Variants in CTNND2 observed in about 807,000 individuals in gnomAD.
CTNND2 encodes catenin delta 2.
CTNND2 carries 22 observed loss-of-function variants against 144.4 expected under a neutral mutation model. The ratio of observed to expected loss-of-function variants is 0.15; its 90% confidence interval spans 0.11 to 0.22. CTNND2 has a LOEUF of 0.22. CTNND2 is among the 10% of genes least tolerant of loss of function. The pLI, the probability that CTNND2 is intolerant of heterozygous loss-of-function variation, is 1.00. For synonymous variants in CTNND2, 751 were observed against 695.6 expected (o/e 1.08, Z -1.25); for missense variants, 1,353 against 1,618.8 (o/e 0.84, Z 2.82).
intron 7 of CTNND2, among the ~76,000 whole-genome samples, chr5:11,378,289 G>A (rs1249071982): frequency 6.6e-6 from 1 of 152,194 alleles, no homozygotes; most frequent in Non-Finnish European, 1.5e-5. Flanking sequence ...GGCAGGCAAT[G>A]GGTTCCTAAT....
intron 2 of CTNND2, among the ~76,000 whole-genome samples, chr5:11,724,785 A>G (rs1786912050): frequency 6.6e-6 from 1 of 152,152 alleles, no homozygotes; most frequent in Non-Finnish European, 1.5e-5. Flanking sequence ...TTTGAGCATA[A>G]TTTCTTTATC....
At chr5:11,109,104 C>T (rs1013774256) in intron 14 of CTNND2, among the ~76,000 whole-genome samples, 1 of 152,078 alleles carries the variant, frequency 6.6e-6, no homozygotes, top group Admixed American at 6.6e-5. Context: ...AGGTTTTGTC[C>T]AAAACGGACT....
At chr5:11,343,495 A>C (rs558248009) in intron 9 of CTNND2, among the ~76,000 whole-genome samples, 177 of 152,278 alleles carry the variant, frequency 1.2e-3, no homozygotes, top group Non-Finnish European at 1.9e-3. Flanking sequence ...TCCTACACAG[A>C]TACTGGTACT....
At chr5:11,199,373 G>T in intron 11 of CTNND2, 75 bp downstream of exon 11, 1 of 1,299,412 alleles carries the variant, frequency 7.7e-7, no homozygotes, top group Non-Finnish European at 1.1e-6. Flanking sequence ...TATTTGATTA[G>T]TACATTTGCC....
At chr5:11,243,679 T>C (rs1742683544) in intron 9 of CTNND2, among the ~76,000 whole-genome samples, 1 of 152,214 alleles carries the variant, frequency 6.6e-6, no homozygotes, top group Admixed American at 6.5e-5. Context: ...CACTCTTACA[T>C]GGGCTATCTG....
Position 11,290,310 on chromosome 5 carries a change from A to G in CTNND2, c.1629-53487T>C, listed in dbSNP as rs1256059412. Among the ~76,000 whole-genome samples the G allele has an allele frequency of 2.0e-5, 3 of 152,324 alleles. No homozygotes were observed. In the East Asian group the frequency reaches 5.8e-4, roughly 29 times the overall value. ...ACAAAACAGGTTTTTAATTATGCTT[A>G]TAACTACCTATGAGGTACCTGACGG... On this transcript the variant is annotated intron_variant, in intron 9 of 21. Coordinates refer to ENST00000304623, the MANE Select transcript of CTNND2 (RefSeq NM_001332.4).
At chr5:11,538,370 G>C (rs1198884723) in intron 3 of CTNND2, among the ~76,000 whole-genome samples, 4 of 152,180 alleles carry the variant, frequency 2.6e-5, no homozygotes, top group Non-Finnish European at 4.4e-5. Context: ...CCCATTAAAA[G>C]GAAGCATGGC....
At chr5:11,426,708 G>A (rs150140633) in intron 3 of CTNND2, among the ~76,000 whole-genome samples, 1 of 152,292 alleles carries the variant, frequency 6.6e-6, no homozygotes, top group Non-Finnish European at 1.5e-5. Flanking sequence ...TTCCCTTCAA[G>A]CCAGAACTTG....
intron 3 of CTNND2, among the ~76,000 whole-genome samples, chr5:11,502,254 C>T (rs570922141): frequency 1.3e-5 from 2 of 152,180 alleles, no homozygotes; most frequent in Admixed American, 6.5e-5. Flanking sequence ...AGCTGACTAA[C>T]GCATTTATTA....
chr5:11,600,339 A>G (rs1248875657), intron 2 of CTNND2, among the ~76,000 whole-genome samples: 1 of 152,166 alleles, frequency 6.6e-6, no homozygotes, highest in Non-Finnish European at 1.5e-5. Context: ...TGTATCAACT[A>G]TTTTCCACAG....
At chr5:11,688,445 T>C (rs887281288) in intron 2 of CTNND2, among the ~76,000 whole-genome samples, 2 of 152,154 alleles carry the variant, frequency 1.3e-5, no homozygotes, top group African/African-American at 2.4e-5. Context: ...AAAATAGTGA[T>C]GGGAAATAAG....
chr5:11,404,583 A>G (rs1371136606), intron 5 of CTNND2, among the ~76,000 whole-genome samples: 1 of 109,976 alleles, frequency 9.1e-6, no homozygotes, highest in Non-Finnish European at 1.9e-5. Context: ...TTTGATCAGT[A>G]TCTGTCAGTA....
intron 3 of CTNND2, among the ~76,000 whole-genome samples, chr5:11,460,430 G>A (rs1315452013): frequency 6.6e-6 from 1 of 152,150 alleles, no homozygotes; most frequent in Non-Finnish European, 1.5e-5. Flanking sequence ...CCTAAATGTT[G>A]AGACACTAGA....
At chr5:11,725,516 T>A (rs1181776812) in intron 2 of CTNND2, among the ~76,000 whole-genome samples, 1 of 152,104 alleles carries the variant, frequency 6.6e-6, no homozygotes, top group East Asian at 1.9e-4. Context: ...ACCTTGGTCA[T>A]AGAAAAATAT....
chr5:11,241,837 G>A (rs1430538136), intron 9 of CTNND2, among the ~76,000 whole-genome samples: 2 of 152,148 alleles, frequency 1.3e-5, no homozygotes, highest in African/African-American at 4.8e-5. Flanking sequence ...TAATCCTTAA[G>A]GACAAAGAGG....
At chr5:11,458,836 G>T (rs1445534365) in intron 3 of CTNND2, among the ~76,000 whole-genome samples, 1 of 152,080 alleles carries the variant, frequency 6.6e-6, no homozygotes, top group Admixed American at 6.5e-5. Context: ...CTGCAGCCTG[G>T]AGTCCCTGGG....
At chr5:11,759,621 C>T (rs188605647) in intron 1 of CTNND2, among the ~76,000 whole-genome samples, 7 of 152,238 alleles carry the variant, frequency 4.6e-5, no homozygotes, top group Admixed American at 4.6e-4. Flanking sequence ...ATACTGATCT[C>T]AGCATGTATG....
At chr5:11,381,105 C>T (rs1439743361) in intron 7 of CTNND2, among the ~76,000 whole-genome samples, 1 of 152,130 alleles carries the variant, frequency 6.6e-6, no homozygotes, top group Non-Finnish European at 1.5e-5. Context: ...ATGAGAAAAT[C>T]TCAGTGGCTA....
At chr5:11,590,573 C>T (rs1779172233) in intron 2 of CTNND2, among the ~76,000 whole-genome samples, 1 of 151,894 alleles carries the variant, frequency 6.6e-6, no homozygotes, top group Admixed American at 6.6e-5. Context: ...GTACTTTGTA[C>T]GATACATCCT....
Sources: allele counts gnomAD v4.1 joint callset (sites outside exome capture counted in the v4.1 genomes callset), GRCh38; gene constraint gnomAD v4.1.1; transcripts MANE v1.5; gene names NCBI Gene and HGNC (gene_info 2026-07-23, HGNC 2026-07-21).